The following USH2A variants were observed in gnomAD, a reference collection of about 807,000 sequenced individuals.
USH2A encodes the protein usherin.
A neutral mutation model predicts 538.9 loss-of-function variants in USH2A; 443 were observed. The ratio of observed to expected loss-of-function variants is 0.82; its 90% CI spans 0.76 to 0.89. The LOEUF is 0.89. Among genes scored for constraint, USH2A ranks in the 40% least tolerant of loss-of-function variants. The pLI is 0.00. For missense variants in USH2A, 6,633 were observed against 6,324.8 expected (o/e 1.05, Z -1.65); for synonymous variants, 2,413 against 2,273.5 (o/e 1.06, Z -1.75).
chr1:215,916,018 C>G (rs1325659209), intron 38 of USH2A, among the ~76,000 whole-genome samples: 1 of 126,700 alleles, frequency 7.9e-6, no homozygotes, highest in Non-Finnish European at 1.6e-5. Context: ...AGGGGAACAT[C>G]ACACTCTGGG....
At chr1:216,238,455 T>G (rs2035872231) in intron 13 of USH2A, among the ~76,000 whole-genome samples, 1 of 152,188 alleles carries the variant, frequency 6.6e-6, no homozygotes, top group Non-Finnish European at 1.5e-5. Context: ...TTATATTTAT[T>G]AGTGTGGATA....
At chr1:216,112,462 TA>T (rs1311356030) in intron 21 of USH2A, among the ~76,000 whole-genome samples, 7 of 152,206 alleles carry the variant, frequency 4.6e-5, no homozygotes, top group Non-Finnish European at 1.0e-4. Context: ...ATGTGTTTTA[TA>T]AAAACTTTTA....
At chr1:215,793,254 C>A (rs527809858) in intron 50 of USH2A, among the ~76,000 whole-genome samples, 80 of 151,846 alleles carry the variant, frequency 5.3e-4, no homozygotes, top group African/African-American at 1.9e-3. Flanking sequence ...ATGTATCATG[C>A]CTTTGAGATA....
chr1:215,860,133 C>T (rs542520369), intron 44 of USH2A, among the ~76,000 whole-genome samples: 3 of 152,338 alleles, frequency 2.0e-5, no homozygotes, highest in African/African-American at 7.2e-5. Context: ...CAAAAGCCCT[C>T]ACCAGAAACC....
At chr1:215,833,025 C>T (rs929945691) in intron 47 of USH2A, among the ~76,000 whole-genome samples, 1 of 151,866 alleles carries the variant, frequency 6.6e-6, no homozygotes, top group South Asian at 2.1e-4. Flanking sequence ...TATTTGCATA[C>T]TGGATTATAT....
At chr1:215,824,491 TA>T (rs2102803322) in intron 47 of USH2A, among the ~76,000 whole-genome samples, 1 of 152,248 alleles carries the variant, frequency 6.6e-6, no homozygotes, top group African/African-American at 2.4e-5. Context: ...CCAAAGGGGA[TA>T]TCCTGGTAGT....
chr1:216,211,122 C>A lies in USH2A; in HGVS notation c.3158-3691G>T, dbSNP rs1392206438. Among the ~76,000 whole-genome samples, 3 of 152,090 alleles carry A rather than the reference C, an allele frequency of 2.0e-5. No homozygotes were observed. The East Asian group carries it at 5.8e-4, about 29-fold the overall frequency. On this transcript the variant is annotated intron_variant, in intron 15 of 71. Transcript: ENST00000307340. ...AAGCTCAGCTCCCCTTTCCACGTAT[C>A]TTGTCCTATGCATTGCTTCATCTGT...
At chr1:215,782,617 A>C (rs1571681995) in intron 53 of USH2A, 121 bp downstream of exon 53, 1 of 1,068,008 alleles carries the variant, frequency 9.4e-7, no homozygotes, top group African/African-American at 1.6e-5. Context: ...AGTTCCCTTT[A>C]TCGGAACATA....
At chr1:216,225,890 C>G (rs2035550904) in intron 14 of USH2A, among the ~76,000 whole-genome samples, 1 of 152,034 alleles carries the variant, frequency 6.6e-6, no homozygotes, top group Non-Finnish European at 1.5e-5. Context: ...AGACAGCTGG[C>G]TACAGGCCTA....
At chr1:215,968,132 C>A (rs1165487940) in intron 36 of USH2A, among the ~76,000 whole-genome samples, 1 of 152,136 alleles carries the variant, frequency 6.6e-6, no homozygotes, top group East Asian at 1.9e-4. Flanking sequence ...GTTCCTGCTG[C>A]ATTCTGTTAA....
At chr1:215,667,129 C>T (rs1281352581) in intron 64 of USH2A, among the ~76,000 whole-genome samples, 1 of 152,074 alleles carries the variant, frequency 6.6e-6, no homozygotes, top group East Asian at 1.9e-4. Flanking sequence ...GGTCCCTTCC[C>T]ATTCCACCCA....
At chr1:216,267,021 G>T (rs772159334) in intron 11 of USH2A, among the ~76,000 whole-genome samples, 12 of 151,820 alleles carry the variant, frequency 7.9e-5, no homozygotes, top group African/African-American at 2.9e-4. Context: ...TGTATAATTG[G>T]TATTTGAAGT....
rs967098370 is a variant in USH2A, at chr1:216,292,603, T to G, written c.1645-233A>C. Reference sequence around the variant, plus strand: ...TGAACCATGGAAAATGATCTTTTTTTTTCTTAATTTTTAATTTTTGTGGGT... The same window carrying G: ...TGAACCATGGAAAATGATCTTTTTTGTTCTTAATTTTTAATTTTTGTGGGT... On this transcript the variant is annotated intron_variant, in intron 9 of 71. Transcript: ENST00000307340. Among the ~76,000 whole-genome samples the G allele has an allele frequency of 2.0e-5, 3 of 152,198 alleles. No homozygotes were observed. The South Asian group carries it at 6.2e-4, about 31-fold the overall frequency.
chr1:215,630,482 GTATATATATATATATATATA>G (rs1158726890), intron 70 of USH2A, among the ~76,000 whole-genome samples: 26 of 22,554 alleles, frequency 1.2e-3, no homozygotes, highest in Admixed American at 9.1e-3. Context: ...ATGTGTGTGT[GTATATATATATATATATATA>G]TATATATATA....
At chr1:216,281,171 A>T (rs1179165077) in intron 11 of USH2A, among the ~76,000 whole-genome samples, 6 of 152,166 alleles carry the variant, frequency 3.9e-5, no homozygotes, top group Non-Finnish European at 5.9e-5. Flanking sequence ...AAAAATTAAG[A>T]TAATATATGA....
At chr1:215,818,984 T>A (rs1662934746) in intron 47 of USH2A, among the ~76,000 whole-genome samples, 1 of 151,820 alleles carries the variant, frequency 6.6e-6, no homozygotes, top group Non-Finnish European at 1.5e-5. Flanking sequence ...TTTTTTGTTC[T>A]CATTGTTTTT....
rs2034943950 is a variant in USH2A at position 216,199,908 on chromosome 1, C to T, written c.3530G>A (p.Gly1177Asp). ...GGACAAAATATATTTCTCTATGGGA[C>T]CAGATTGATTTGAGAGTGTTGTCCA... Reference protein sequence around the residue: ...LTWTTLSNQSGPIEKYILSCA... With the variant: ...LTWTTLSNQSDPIEKYILSCA... The change falls in exon 17 of 72, where the codon GGT becomes GAT. Residue 1177 changes from glycine (G) to aspartate (D), a missense_variant. Coordinates refer to ENST00000307340, the MANE Select transcript of USH2A (RefSeq NM_206933.4). The T allele has an allele frequency of 6.2e-7, 1 of 1,614,070 alleles. No individual in the cohort carries two copies. Among genetic ancestry groups the T allele is most frequent in the South Asian group, 1.1e-5 (1 of 91,068 alleles).
intron 60 of USH2A, among the ~76,000 whole-genome samples, chr1:215,730,378 C>T (rs1659956899): frequency 6.6e-6 from 1 of 152,190 alleles, no homozygotes; most frequent in African/African-American, 2.4e-5. Flanking sequence ...TTTGCCTCTT[C>T]TCCATCAGCT....
intron 3 of USH2A, among the ~76,000 whole-genome samples, chr1:216,386,217 G>T (rs2102739677): frequency 6.6e-6 from 1 of 152,228 alleles, no homozygotes; most frequent in South Asian, 2.1e-4. Flanking sequence ...GTCATTTCAG[G>T]CCGGGTGCAG....
Sources: gnomAD v4.1 joint callset for allele counts (sites outside exome capture counted in the v4.1 genomes callset) on GRCh38, gnomAD v4.1.1 for gene constraint, MANE v1.5 for transcripts, NCBI Gene and HGNC (gene_info 2026-07-23, HGNC 2026-07-21) for gene names.